The following ANKFN1 variants were observed in gnomAD, a reference collection of about 807,000 sequenced individuals.
The protein encoded by ANKFN1 is ankyrin repeat and fibronectin type III domain containing 1.
A neutral mutation model predicts 108.7 loss-of-function variants in ANKFN1; 74 were observed. That is an observed-to-expected ratio of 0.68 (90% confidence interval 0.56 to 0.83). The LOEUF (loss-of-function observed/expected upper bound fraction) is 0.83. Ranked by LOEUF, ANKFN1 falls within the 40% of genes least tolerant of loss-of-function variation. The pLI is 0.00. For synonymous variants in ANKFN1, 547 were observed against 516.2 expected, an observed-to-expected ratio of 1.06 and a Z score of -0.81; for missense variants, 1,505 against 1,382.3, an observed-to-expected ratio of 1.09 and a Z score of -1.41.
chr17:56,171,308 G>A (rs947926042), intron 1 of ANKFN1, among the ~76,000 whole-genome samples: 1 of 152,114 alleles, frequency 6.6e-6, no homozygotes, highest in Non-Finnish European at 1.5e-5. Context: ...TCATGGCAGG[G>A]AAGGAACAAT....
chr17:56,414,654 C>T (rs7211101), intron 8 of ANKFN1, among the ~76,000 whole-genome samples: 83,990 of 152,028 alleles, frequency 0.55, 27,805 homozygotes, highest in East Asian at 0.95. Flanking sequence ...TCAGAATGAA[C>T]GACAAAAATC....
intron 4 of ANKFN1, among the ~76,000 whole-genome samples, chr17:56,062,264 G>A (rs1435157789): frequency 1.3e-5 from 2 of 152,172 alleles, no homozygotes; most frequent in African/African-American, 4.8e-5. Context: ...ATCCAAAGCT[G>A]AGTTCAAGTC....
chr17:56,366,597 CT>C (rs2046669731), intron 6 of ANKFN1, among the ~76,000 whole-genome samples: 1 of 152,096 alleles, frequency 6.6e-6, no homozygotes, highest in Non-Finnish European at 1.5e-5. Flanking sequence ...TTATGCCATA[CT>C]TTTAGTATTT....
At chr17:56,377,524 G>A (rs1487704733) in intron 8 of ANKFN1, among the ~76,000 whole-genome samples, 1 of 152,082 alleles carries the variant, frequency 6.6e-6, no homozygotes, top group Non-Finnish European at 1.5e-5. Flanking sequence ...TTTTCTCTCT[G>A]GATTCAAAGG....
intron 3 of ANKFN1, among the ~76,000 whole-genome samples, chr17:56,320,917 G>A (rs1487632137): frequency 3.3e-5 from 5 of 152,172 alleles, no homozygotes; most frequent in African/African-American, 7.2e-5. Context: ...AATGTGTCTC[G>A]TCTCCAAGAC....
intron 1 of ANKFN1, among the ~76,000 whole-genome samples, chr17:56,171,357 G>A (rs933554181): frequency 1.3e-5 from 2 of 152,100 alleles, no homozygotes; most frequent in Non-Finnish European, 2.9e-5. Flanking sequence ...TAATTAGCCT[G>A]GTGGATGGGC....
At chr17:56,204,780 A>G (rs1482687291) in intron 1 of ANKFN1, among the ~76,000 whole-genome samples, 2 of 152,102 alleles carry the variant, frequency 1.3e-5, no homozygotes, top group Non-Finnish European at 2.9e-5. Flanking sequence ...CACTGGTTTT[A>G]AAAACTTTGT....
chr17:56,141,893 T>C (rs1197885522), intron 4 of ANKFN1, among the ~76,000 whole-genome samples: 1 of 151,330 alleles, frequency 6.6e-6, no homozygotes, highest in Non-Finnish European at 1.5e-5. Context: ...GTGTGTAAGA[T>C]AGCCCCCTCT....
Position 56,515,836 on chromosome 17 carries a change from G to A in ANKFN1, c.*4567G>A, listed in dbSNP as rs1680275368. On this transcript the variant is annotated 3_prime_UTR_variant, in exon 21 of 21. Coordinates refer to ENST00000682825, the MANE Select transcript of ANKFN1 (RefSeq NM_001370326.1). Reference sequence around the variant, plus strand: ...TTCTATTTCCACTAATAATGACTTTGTAAAACAGTTATTCAAAAGGATGGT... The same window carrying A: ...TTCTATTTCCACTAATAATGACTTTATAAAACAGTTATTCAAAAGGATGGT... Among the ~76,000 whole-genome samples, 2 of 152,234 alleles carry A rather than the reference G, an allele frequency of 1.3e-5. No homozygotes were observed. The highest frequency in any genetic ancestry group is 3.4e-3 in the Middle Eastern group (1 of 294).
intron 3 of ANKFN1, among the ~76,000 whole-genome samples, chr17:56,261,206 G>T (rs1227793787): frequency 3.3e-5 from 5 of 152,132 alleles, no homozygotes. Flanking sequence ...GAACAATATT[G>T]TCTACACACC....
At chr17:56,386,467 A>G (rs998850551) in intron 8 of ANKFN1, among the ~76,000 whole-genome samples, 3 of 151,854 alleles carry the variant, frequency 2.0e-5, no homozygotes, top group Non-Finnish European at 4.4e-5. Flanking sequence ...AACTTAAAGT[A>G]TAATAATAAT....
intron 4 of ANKFN1, among the ~76,000 whole-genome samples, chr17:56,069,472 T>TTG (rs1905096383): frequency 6.6e-6 from 1 of 152,200 alleles, no homozygotes; most frequent in Non-Finnish European, 1.5e-5. Context: ...CAACTGGACA[T>TTG]TCCTCCTAAG....
chr17:56,376,720 T>C (rs1312389642), intron 8 of ANKFN1, among the ~76,000 whole-genome samples: 1 of 152,144 alleles, frequency 6.6e-6, no homozygotes, highest in Non-Finnish European at 1.5e-5. Flanking sequence ...AGACTTGCAT[T>C]TGGGTGAGGT....
intron 14 of ANKFN1, among the ~76,000 whole-genome samples, chr17:56,464,145 C>T (rs1018916338): frequency 6.6e-6 from 1 of 152,158 alleles, no homozygotes; most frequent in African/African-American, 2.4e-5. Flanking sequence ...TTAAATTGGG[C>T]TCTCCTCAAA....
intron 18 of ANKFN1, among the ~76,000 whole-genome samples, chr17:56,484,114 T>G (rs1438173486): frequency 6.6e-6 from 1 of 152,080 alleles, no homozygotes; most frequent in Non-Finnish European, 1.5e-5. Flanking sequence ...GGGAGTAGAA[T>G]GAGCAAAAAC....
At chr17:56,380,459 G>A (rs947425536) in intron 8 of ANKFN1, among the ~76,000 whole-genome samples, 7 of 152,210 alleles carry the variant, frequency 4.6e-5, no homozygotes, top group African/African-American at 1.7e-4. Context: ...AGTGCACCGT[G>A]CACGAGCCAA....
chr17:56,076,853 A>T (rs986169404), intron 4 of ANKFN1, among the ~76,000 whole-genome samples: 1 of 152,242 alleles, frequency 6.6e-6, no homozygotes, highest in Non-Finnish European at 1.5e-5. Context: ...ATCATCAGGT[A>T]GCATTCTCTT....
At position 56,409,794 on chromosome 17, in the gene ANKFN1, A is replaced by G. The variant is rs537966504; in HGVS notation, c.911-30533A>G. Among the ~76,000 whole-genome samples the G allele has an allele frequency of 3.9e-5, 6 of 152,252 alleles. No individual in the cohort carries two copies. In the East Asian group the frequency reaches 1.2e-3, roughly 29 times the overall value. ...GAAAAACAGGTACTATTTTTTAAAC[A>G]CAAGCAATCACGATTACCTTCTTCA... On this transcript the variant is annotated intron_variant, in intron 8 of 20. Coordinates refer to ENST00000682825, the MANE Select transcript of ANKFN1 (RefSeq NM_001370326.1).
At chr17:56,456,435 G>A (rs949213681) in intron 11 of ANKFN1, among the ~76,000 whole-genome samples, 1 of 120,556 alleles carries the variant, frequency 8.3e-6, no homozygotes, top group East Asian at 2.5e-4. Context: ...ACGGATTCTC[G>A]CTCTGTCGCC....
Sources: gnomAD v4.1 joint callset for allele counts (sites outside exome capture counted in the v4.1 genomes callset) on GRCh38, gnomAD v4.1.1 for gene constraint, MANE v1.5 for transcripts, NCBI Gene and HGNC (gene_info 2026-07-23, HGNC 2026-07-21) for gene names.